Variants in KPNB1 observed in about 807,000 individuals in gnomAD.
KPNB1 encodes the protein karyopherin subunit beta 1.
KPNB1 carries 7 observed loss-of-function variants against 113.0 expected under a neutral mutation model. The observed-to-expected ratio is 0.06, with a 90% CI of 0.04 to 0.12. The LOEUF (loss-of-function observed/expected upper bound fraction) is 0.12, where lower values mean the gene tolerates loss of function less well. Ranked by LOEUF, KPNB1 falls within the 10% of genes least tolerant of loss-of-function variation. KPNB1 has a pLI of 1.00. For synonymous variants in KPNB1, 363 were observed against 378.6 expected, an observed-to-expected ratio of 0.96 and a Z score of 0.48; for missense variants, 400 against 1,054.8, an observed-to-expected ratio of 0.38 and a Z score of 8.60.
rs1354596283 is a variant in KPNB1, at chr17:47,673,117, A to G, written c.1647A>G (p.Lys549=). The G allele has an allele frequency of 1.9e-6, 3 of 1,614,050 alleles. No homozygotes were observed. The highest frequency in any genetic ancestry group is 2.7e-5 in the African/African-American group (2 of 74,920). The change falls in exon 13 of 22, where the codon AAA becomes AAG. Residue 549 remains lysine, a synonymous_variant. Transcript: ENST00000290158. The part of the protein sequence containing the change: ...SAKDCYPAVQ[K]TTLVIMERLQ... Reference sequence around the variant, plus strand: ...AGGATTGTTATCCTGCTGTCCAGAAAACGACTTTGGTCATCATGGAACGAC... The same window carrying G: ...AGGATTGTTATCCTGCTGTCCAGAAGACGACTTTGGTCATCATGGAACGAC...
At chr17:47,679,800 C>T (rs2030718281) in intron 19 of KPNB1, 1 of 388,160 alleles carries the variant, frequency 2.6e-6, no homozygotes, top group Admixed American at 4.1e-5. Flanking sequence ...GGGTTCACGC[C>T]ATTTTCCTAC....
chr17:47,680,484 C>G, intron 20 of KPNB1, 24 bp from the exon 21 acceptor site: 2 of 1,613,124 alleles, frequency 1.2e-6, no homozygotes, highest in Admixed American at 1.7e-5. Context: ...GGAGCTCATT[C>G]TCAGCTGTGT....
chr17:47,680,091 G>T lies in KPNB1; in HGVS notation c.2425G>T (p.Asp809Tyr). 2 of 1,613,840 alleles carry T rather than the reference G, an allele frequency of 1.2e-6. No individual in the cohort carries two copies. Among genetic ancestry groups the T allele is most frequent in the African/African-American group, 1.3e-5 (1 of 75,058 alleles). ...SFIDHIAGDE[D>Y]HTDGVVACAA... ...CATTGACCACATTGCTGGAGATGAGGATCACACAGATGGAGTAGTAGCTTG... is the reference window on the plus strand; with the variant it reads ...CATTGACCACATTGCTGGAGATGAGTATCACACAGATGGAGTAGTAGCTTG... Residue 809 changes from aspartate (D) to tyrosine (Y), a missense_variant, in exon 20 of 22, where the codon GAT (aspartate) becomes TAT (tyrosine). By Grantham distance (160) the Asp-to-Tyr change is radical. This residue lies in a region of KPNB1 where 115 missense variants were observed against 427.9 expected (regional missense o/e 0.27). Transcript: ENST00000290158.
At chr17:47,658,456 A>G (rs375026841) in intron 4 of KPNB1, 52 bp from the exon 5 acceptor site, 9 of 1,566,990 alleles carry the variant, frequency 5.7e-6, no homozygotes, top group Non-Finnish European at 4.3e-6. Flanking sequence ...TGTGGAACCC[A>G]TGGCTGCAGA....
chr17:47,656,836 C>T, intron 3 of KPNB1, 24 bp from the exon 4 acceptor site: 1 of 1,569,498 alleles, frequency 6.4e-7, no homozygotes, highest in East Asian at 2.4e-5. Context: ...AAATTTGTAT[C>T]TTTTGTCTTT....
chr17:47,664,365 T>G, intron 8 of KPNB1, 96 bp downstream of exon 8: 1 of 821,788 alleles, frequency 1.2e-6, no homozygotes, highest in South Asian at 1.5e-5. Flanking sequence ...TCTGTCTGGG[T>G]TTAGAGGGTA....
intron 12 of KPNB1, 72 bp from the exon 13 acceptor site, chr17:47,672,946 G>A (rs1305682982): frequency 4.2e-6 from 6 of 1,439,262 alleles, no homozygotes; most frequent in Non-Finnish European, 5.6e-6. Context: ...CTTATTTTTG[G>A]CAAGACATTG....
Position 47,665,149 on chromosome 17 carries a change from A to G in KPNB1, c.990A>G (p.Leu330=). The G allele has an allele frequency of 1.2e-6, 2 of 1,611,960 alleles. No individual in the cohort carries two copies. Among genetic ancestry groups the G allele is most frequent in the Non-Finnish European group, 1.7e-6 (2 of 1,177,984 alleles). The change falls in exon 9 of 22, where the codon CTA becomes CTG. Residue 330 remains leucine, a synonymous_variant. Transcript: ENST00000290158. ...TGGTTCCAATCCTCACACAGACACT[A>G]ACTAAACAGGTGAGTTACCTTCCAA... ...QYLVPILTQT[L]TKQDENDDDD... is the part of the protein sequence containing the mutation.
chr17:47,673,313 C>T lies in KPNB1; in HGVS notation c.1695+148C>T, dbSNP rs894235577. 11 of 940,562 alleles carry T rather than the reference C, an allele frequency of 1.2e-5. No individual in the cohort carries two copies. The African/African-American group carries it at 1.8e-4, about 16-fold the overall frequency. 58.3% of individuals were successfully genotyped at this position (940,562 alleles called of 1,614,324 possible). ...TAAAGCTTATACAAAAAACATTGCA[C>T]CTTAACGTTAGCATTGTTTGTCATG... is the stretch of plus-strand genomic sequence containing the variant. On this transcript the variant is annotated intron_variant, in intron 13 of 21. Coordinates refer to ENST00000290158, the MANE Select transcript of KPNB1 (RefSeq NM_002265.6).
chr17:47,679,952 C>G, intron 19 of KPNB1, 68 bp from the exon 20 acceptor site: 1 of 943,152 alleles, frequency 1.1e-6, no homozygotes, highest in Non-Finnish European at 1.7e-6. Flanking sequence ...CCGCCTGGGC[C>G]TCCTAAAGTG....
intron 14 of KPNB1, chr17:47,673,875 C>G (rs758645835): frequency 3.5e-6 from 1 of 284,920 alleles, no homozygotes; most frequent in Non-Finnish European, 6.7e-6. Flanking sequence ...TCGTTTGTTT[C>G]AACTAATGTC....
intron 3 of KPNB1, 136 bp downstream of exon 3, chr17:47,653,012 ATTGTCT>A (rs1043925012): frequency 3.7e-5 from 20 of 535,612 alleles, no homozygotes; most frequent in Admixed American, 7.6e-5. Flanking sequence ...AAAGATAAAA[ATTGTCT>A]TTGTCTTAAA....
At chr17:47,650,523 C>T (rs538030558) in intron 2 of KPNB1, 79 bp downstream of exon 2, 2 of 1,336,696 alleles carry the variant, frequency 1.5e-6, no homozygotes, top group African/African-American at 2.9e-5. Flanking sequence ...CCCGGAGGCC[C>T]AGGCCTCGGG....
Position 47,650,081 on chromosome 17 carries a change from A to C in KPNB1, c.-164A>C. 2 of 1,395,962 alleles carry C rather than the reference A, an allele frequency of 1.4e-6. No individual in the cohort carries two copies. Among genetic ancestry groups the C allele is most frequent in the Non-Finnish European group, 9.3e-7 (1 of 1,080,640 alleles). The allele number at this position is 1,395,962 out of a possible 1,614,324, so 86.5% of individuals were successfully genotyped here. On this transcript the variant is annotated 5_prime_UTR_variant, in exon 1 of 22. Transcript: ENST00000290158. ...GGAAGAGGAGAGGAAGGGGAGCCGGACCGACTACCCAGACAGAGCCGGTGA... is the reference window on the plus strand; with the variant it reads ...GGAAGAGGAGAGGAAGGGGAGCCGGCCCGACTACCCAGACAGAGCCGGTGA...
Position 47,665,146 on chromosome 17 carries a change from A to G in KPNB1, c.987A>G (p.Thr329=), listed in dbSNP as rs1449674910. ...LQYLVPILTQ[T]LTKQDENDDD... Reference sequence around the variant, plus strand: ...ATCTGGTTCCAATCCTCACACAGACACTAACTAAACAGGTGAGTTACCTTC... The same window carrying G: ...ATCTGGTTCCAATCCTCACACAGACGCTAACTAAACAGGTGAGTTACCTTC... Residue 329 remains threonine, a synonymous_variant, in exon 9 of 22, where the codon ACA becomes ACG. Transcript: ENST00000290158. The G allele has an allele frequency of 4.3e-6, 7 of 1,612,780 alleles. No individual in the cohort carries two copies. Among genetic ancestry groups the G allele is most frequent in the African/African-American group, 1.3e-5 (1 of 74,894 alleles).
chr17:47,658,710 A>G (rs767459994), intron 5 of KPNB1, 50 bp downstream of exon 5: 3 of 1,505,240 alleles, frequency 2.0e-6, no homozygotes, highest in Non-Finnish European at 9.0e-7. Flanking sequence ...GGGATGAAAG[A>G]GTTGAATGAA....
At chr17:47,651,707 C>G (rs1052418008) in intron 2 of KPNB1, among the ~76,000 whole-genome samples, 7 of 152,162 alleles carry the variant, frequency 4.6e-5, no homozygotes, top group African/African-American at 1.7e-4. Context: ...TAAGAATTAT[C>G]TTCTGCTGTG....
intron 14 of KPNB1, among the ~76,000 whole-genome samples, chr17:47,674,179 G>A (rs1350403868): frequency 6.6e-6 from 1 of 152,182 alleles, no homozygotes; most frequent in Non-Finnish European, 1.5e-5. Flanking sequence ...TTTGATGGGA[G>A]AAGTCAGGTT....
At chr17:47,664,709 T>C (rs1323242289) in intron 8 of KPNB1, among the ~76,000 whole-genome samples, 3 of 152,346 alleles carry the variant, frequency 2.0e-5, no homozygotes, top group South Asian at 2.1e-4. Flanking sequence ...GCTTGGTCTT[T>C]ACACACTTTT....
Sources: allele counts gnomAD v4.1 joint callset (sites outside exome capture counted in the v4.1 genomes callset), GRCh38; gene constraint gnomAD v4.1.1; regional missense constraint gnomAD v4.1.1; transcripts MANE v1.5; gene names NCBI Gene and HGNC (gene_info 2026-07-23, HGNC 2026-07-21).